Variants in PRKCA observed in about 807,000 individuals in gnomAD.
PRKCA encodes protein kinase C alpha.
In PRKCA, 27 loss-of-function variants were observed where a neutral mutation model predicts 87.0. The observed-to-expected ratio is 0.31, with a 90% CI of 0.23 to 0.43. The LOEUF is 0.43. Among genes scored for constraint, PRKCA ranks in the 20% least tolerant of loss-of-function variants. The pLI, the probability that PRKCA is intolerant of heterozygous loss-of-function variation, is 1.00. For missense variants in PRKCA, 518 were observed against 852.3 expected (o/e 0.61, Z 4.88); for synonymous variants, 329 against 311.1 (o/e 1.06, Z -0.61).
At chr17:66,801,847 C>T (rs1975907715) in intron 16 of PRKCA, among the ~76,000 whole-genome samples, 2 of 152,246 alleles carry the variant, frequency 1.3e-5, no homozygotes, top group Admixed American at 1.3e-4. Context: ...CCCCACCACA[C>T]ACATCACCCA....
At chr17:66,565,778 A>T (rs1968872009) in intron 3 of PRKCA, among the ~76,000 whole-genome samples, 2 of 152,142 alleles carry the variant, frequency 1.3e-5, no homozygotes, top group Non-Finnish European at 2.9e-5. Context: ...GCATGGCAGG[A>T]CATAGAAACA....
chr17:66,439,813 T>G (rs1230391891), intron 2 of PRKCA, among the ~76,000 whole-genome samples: 1 of 152,230 alleles, frequency 6.6e-6, no homozygotes, highest in Non-Finnish European at 1.5e-5. Context: ...AAACCTTTTG[T>G]GCATTTTACC....
intron 2 of PRKCA, among the ~76,000 whole-genome samples, chr17:66,395,173 C>T (rs1218571600): frequency 1.3e-5 from 2 of 152,018 alleles, no homozygotes; most frequent in African/African-American, 4.8e-5. Flanking sequence ...TGGACTAATA[C>T]ACCCCACAAA....
At chr17:66,450,745 C>T (rs543561256) in intron 2 of PRKCA, among the ~76,000 whole-genome samples, 1 of 152,190 alleles carries the variant, frequency 6.6e-6, no homozygotes, top group East Asian at 1.9e-4. Flanking sequence ...AAAGCTGGTA[C>T]CAGCTCATGC....
chr17:66,689,019 G>A lies in PRKCA; in HGVS notation c.890G>A (p.Gly297Glu), dbSNP rs1972706991. The A allele has an allele frequency of 1.9e-6, 3 of 1,601,068 alleles. No homozygotes were observed. Among genetic ancestry groups the A allele is most frequent in the Non-Finnish European group, 2.6e-6 (3 of 1,174,344 alleles). The change falls in exon 8 of 17, where the codon GGA (glycine) becomes GAA (glutamate). Residue 297 changes from glycine to glutamate, a missense_variant. Coordinates refer to ENST00000413366, the MANE Select transcript of PRKCA (RefSeq NM_002737.3). This position sits in a 1 kb window ranked among gnomAD's most constrained non-coding sequence, Gnocchi z 4.1. Reference sequence around the variant, plus strand: ...CCCATTCCGGAAGGGGACGAGGAAGGAAACATGGAACTCAGGCAGAAATTC... The same window carrying A: ...CCCATTCCGGAAGGGGACGAGGAAGAAAACATGGAACTCAGGCAGAAATTC... ...NVPIPEGDEE[G>E]NMELRQKFEK...
At chr17:66,400,001 A>G (rs539966858) in intron 2 of PRKCA, among the ~76,000 whole-genome samples, 1 of 152,242 alleles carries the variant, frequency 6.6e-6, no homozygotes, top group East Asian at 1.9e-4. Context: ...TTGGTACTTA[A>G]AAAGTTTCGA....
chr17:66,750,178 A>G (rs1452224751), intron 13 of PRKCA, among the ~76,000 whole-genome samples: 1 of 151,868 alleles, frequency 6.6e-6, no homozygotes, highest in African/African-American at 2.4e-5. Context: ...AGCACCAGCA[A>G]TGGCTCCTCT....
At chr17:66,604,636 G>C (rs1180650107) in intron 3 of PRKCA, among the ~76,000 whole-genome samples, 3 of 152,192 alleles carry the variant, frequency 2.0e-5, no homozygotes, top group African/African-American at 4.8e-5. Flanking sequence ...AATAGCATCT[G>C]CTCAGAAGTA....
intron 3 of PRKCA, among the ~76,000 whole-genome samples, chr17:66,528,401 A>T (rs1967421133): frequency 6.6e-6 from 1 of 152,098 alleles, no homozygotes. Flanking sequence ...CATAATGCAG[A>T]TGTGATTAAG....
intron 5 of PRKCA, among the ~76,000 whole-genome samples, chr17:66,673,908 T>G (rs962958760): frequency 2.0e-5 from 3 of 152,242 alleles, no homozygotes; most frequent in Admixed American, 6.5e-5. Context: ...TCAAAGCATT[T>G]AACATTTTCA....
chr17:66,302,761 C>G lies in PRKCA; in HGVS notation c.-91C>G. ...CCGCGCCCCGCGCCCGGGGTCGCCC[C>G]GAGCCCGCACCTCTCCCCCGCCGCC... is the stretch of plus-strand genomic sequence containing the variant. On this transcript the variant is annotated 5_prime_UTR_variant, in exon 1 of 17. Transcript: ENST00000413366. 2.6e-6 allele frequency: 3 copies of G among 1,149,994 alleles called. No homozygotes were observed. Among genetic ancestry groups the G allele is most frequent in the Non-Finnish European group, 2.2e-6 (2 of 908,340 alleles). The allele number at this position is 1,149,994 out of a possible 1,614,324, so 71.2% of individuals were successfully genotyped here.
intron 3 of PRKCA, among the ~76,000 whole-genome samples, chr17:66,618,385 T>C (rs1970575164): frequency 6.6e-6 from 1 of 151,864 alleles, no homozygotes; most frequent in Admixed American, 6.6e-5. Flanking sequence ...TAGTCATTCA[T>C]TTCTTCGTTC....
At chr17:66,348,659 A>G (rs1211075589) in intron 2 of PRKCA, among the ~76,000 whole-genome samples, 2 of 152,242 alleles carry the variant, frequency 1.3e-5, no homozygotes, top group African/African-American at 2.4e-5. Flanking sequence ...CATTCAAAAC[A>G]TAGTCAACAC....
rs1976016155 is a variant in PRKCA at position 66,805,683 on chromosome 17, G to A, written c.*1646G>A. ...TTTCTTCATGTCACCTTTCGTCCTG[G>A]TTCCTCCGCCACTCTTCCTCTTGGG... On this transcript the variant is annotated 3_prime_UTR_variant, in exon 17 of 17. Transcript: ENST00000413366. 6.6e-6 allele frequency: 1 copy of A among 152,166 alleles called. No homozygotes were observed. The highest frequency in any genetic ancestry group is 1.5e-5 in the Non-Finnish European group (1 of 68,030). 9.4% of individuals were successfully genotyped at this position (152,166 alleles called of 1,614,324 possible).
At chr17:66,501,178 G>T (rs990364530) in intron 3 of PRKCA, among the ~76,000 whole-genome samples, 1 of 152,204 alleles carries the variant, frequency 6.6e-6, no homozygotes, top group Non-Finnish European at 1.5e-5. Context: ...CCAGGTTACA[G>T]TAGCCAGATG....
intron 15 of PRKCA, among the ~76,000 whole-genome samples, chr17:66,787,731 G>GC (rs1305842541): frequency 6.6e-6 from 1 of 151,824 alleles, no homozygotes; most frequent in African/African-American, 2.4e-5. Context: ...AAGATAACCT[G>GC]CCCCCCAACT....
intron 2 of PRKCA, among the ~76,000 whole-genome samples, chr17:66,349,143 T>C (rs1393083396): frequency 6.6e-6 from 1 of 152,186 alleles, no homozygotes; most frequent in East Asian, 1.9e-4. Context: ...TTCCTGTCCA[T>C]AATTTGAGAG....
At chr17:66,607,544 C>G (rs1365676471) in intron 3 of PRKCA, among the ~76,000 whole-genome samples, 3 of 152,318 alleles carry the variant, frequency 2.0e-5, no homozygotes, top group East Asian at 3.9e-4. Flanking sequence ...TTTCTCCTCC[C>G]TTATGTCTTG....
chr17:66,761,393 TG>T (rs1416641591), intron 13 of PRKCA, among the ~76,000 whole-genome samples: 1 of 151,994 alleles, frequency 6.6e-6, no homozygotes, highest in Admixed American at 6.6e-5. Context: ...ATACATAGTT[TG>T]GACTCTAGAC....
Sources: allele counts gnomAD v4.1 joint callset (sites outside exome capture counted in the v4.1 genomes callset), GRCh38; gene constraint gnomAD v4.1.1; non-coding constraint Gnocchi (gnomAD v3.1); transcripts MANE v1.5; gene names NCBI Gene and HGNC (gene_info 2026-07-23, HGNC 2026-07-21).